The following CHMP7 variants were observed in gnomAD, a reference collection of about 807,000 sequenced individuals.
CHMP7 encodes the protein CHMP family, member 7.
In CHMP7, 15 loss-of-function variants were observed where a neutral mutation model predicts 53.7. That is an observed-to-expected ratio of 0.28 (90% confidence interval 0.19 to 0.43). The LOEUF (loss-of-function observed/expected upper bound fraction) is 0.43, where lower values mean the gene tolerates loss of function less well. CHMP7 is among the 20% of genes least tolerant of loss of function. The probability of loss-of-function intolerance (pLI) is 1.00; values close to 1 mark genes in which losing one functional copy is unlikely to be tolerated. For missense variants in CHMP7, 527 were observed against 569.4 expected (o/e 0.93, Z 0.76); for synonymous variants, 261 against 228.0 (o/e 1.14, Z -1.30).
chr8:23,259,050 C>T lies in CHMP7; in HGVS notation c.1060-16C>T, dbSNP rs369277278. 2.5e-5 allele frequency: 39 copies of T among 1,582,912 alleles called. No individual in the cohort carries two copies. In the Middle Eastern group the frequency reaches 2.5e-3, roughly 101 times the overall value. The stretch of plus-strand genomic sequence containing the variant: ...CCACCATGCCCAGCTCAAGGCTTTG[C>T]ACTTGTCTCTTACAGCTCTGTGACA... On this transcript the variant is annotated splice_polypyrimidine_tract_variant and intron_variant, in intron 8 of 10. Transcript: ENST00000397677.
At chr8:23,245,746 C>T (rs1585300491) in intron 1 of CHMP7, among the ~76,000 whole-genome samples, 1 of 152,162 alleles carries the variant, frequency 6.6e-6, no homozygotes, top group East Asian at 1.9e-4. Context: ...ATGAAACCAT[C>T]TGGGCCTAAT....
chr8:23,251,727 C>T (rs1268019649), intron 3 of CHMP7, among the ~76,000 whole-genome samples: 7 of 152,114 alleles, frequency 4.6e-5, no homozygotes, highest in South Asian at 2.1e-4. Flanking sequence ...TGGATTTACT[C>T]GATTCTTTTT....
In CHMP7 at chr8:23,261,360, G is replaced by T. The variant is rs1802382349; in HGVS notation, c.*761G>T. ...AGAGGCCCAGTCACTACAGGACCCT[G>T]AGATGTCCAGACCCCTTATGCAAAG... On this transcript the variant is annotated 3_prime_UTR_variant, in exon 11 of 11. Coordinates refer to ENST00000397677, the MANE Select transcript of CHMP7 (RefSeq NM_152272.5). The T allele has an allele frequency of 6.6e-6, 1 of 152,392 alleles. No individual in the cohort carries two copies. The highest frequency in any genetic ancestry group is 2.4e-5 in the African/African-American group (1 of 41,432). The allele number at this position is 152,392 out of a possible 1,614,324, so 9.4% of individuals were successfully genotyped here. A position where few individuals can be genotyped will look rare whatever the true frequency, so the allele number is the denominator to read the frequency against.
At chr8:23,257,028 G>A (rs1454534625) in intron 5 of CHMP7, among the ~76,000 whole-genome samples, 7 of 151,314 alleles carry the variant, frequency 4.6e-5, no homozygotes, top group Admixed American at 2.0e-4. Context: ...TCCTGACCTC[G>A]TGATCCGCCC....
At chr8:23,256,702 T>TTTTTAGCTAA in intron 5 of CHMP7, 109 bp downstream of exon 5, 2 of 853,444 alleles carry the variant, frequency 2.3e-6, no homozygotes, top group Non-Finnish European at 3.5e-6. Context: ...TTTTTTTTTT[T>TTTTTAGCTAA]TTAGCTAATT....
chr8:23,261,836 G>C lies in CHMP7; in HGVS notation c.*1237G>C, dbSNP rs1423483152. 6.6e-6 allele frequency: 1 copy of C among 152,644 alleles called. No individual in the cohort carries two copies. Among genetic ancestry groups the C allele is most frequent in the Non-Finnish European group, 1.5e-5 (1 of 68,050 alleles). The allele number at this position is 152,644 out of a possible 1,614,324, so 9.5% of individuals were successfully genotyped here. A position where few individuals can be genotyped will look rare whatever the true frequency, so the allele number is the denominator to read the frequency against. ...TGTCCCTGCTGCCTGAGGTGGCGTA[G>C]AGCAGAGGAGAAGAATTTGCTCCAG... is the stretch of plus-strand genomic sequence containing the variant. On this transcript the variant is annotated 3_prime_UTR_variant, in exon 11 of 11. Transcript: ENST00000397677.
intron 3 of CHMP7, among the ~76,000 whole-genome samples, chr8:23,252,944 A>G (rs1801988681): frequency 6.6e-6 from 1 of 152,164 alleles, no homozygotes; most frequent in Non-Finnish European, 1.5e-5. Context: ...TGAAAACTCG[A>G]TGTCTGTGTC....
chr8:23,254,185 CT>C (rs61432885), intron 3 of CHMP7, among the ~76,000 whole-genome samples: 14 of 134,964 alleles, frequency 1.0e-4, no homozygotes, highest in African/African-American at 2.5e-4. Context: ...TTCTGCTCAA[CT>C]TTTTTTTTTT....
At chr8:23,259,001 C>T in intron 8 of CHMP7, 65 bp from the exon 9 acceptor site, 3 of 1,178,270 alleles carry the variant, frequency 2.5e-6, no homozygotes, top group East Asian at 4.7e-5. Context: ...AGATATTTTC[C>T]ACCAAAGACT....
chr8:23,258,250 T>C (rs944230315), intron 6 of CHMP7, 80 bp from the exon 7 acceptor site: 2 of 1,586,982 alleles, frequency 1.3e-6, no homozygotes, highest in Non-Finnish European at 1.7e-6. Flanking sequence ...TGGGACATCC[T>C]TAGCGTCTGG....
intron 3 of CHMP7, among the ~76,000 whole-genome samples, chr8:23,250,589 C>T (rs1214764522): frequency 2.6e-5 from 4 of 151,142 alleles, no homozygotes; most frequent in Non-Finnish European, 5.9e-5. Flanking sequence ...ACCCCCTCCA[C>T]CCAGACTGCT....
chr8:23,256,418 C>T (rs768780477), intron 4 of CHMP7, 42 bp from the exon 5 acceptor site: 2 of 1,514,980 alleles, frequency 1.3e-6, no homozygotes, highest in Non-Finnish European at 1.8e-6. Flanking sequence ...AATTTCTCAG[C>T]CTTTGTGGTA....
intron 4 of CHMP7, among the ~76,000 whole-genome samples, chr8:23,255,750 G>A (rs1173659131): frequency 6.8e-6 from 1 of 146,886 alleles, no homozygotes; most frequent in African/African-American, 2.5e-5. Flanking sequence ...CAGTGGTTGT[G>A]TTCAAGCCAC....
intron 9 of CHMP7, among the ~76,000 whole-genome samples, chr8:23,259,604 G>T (rs10092938): frequency 3.9e-5 from 6 of 152,214 alleles, no homozygotes; most frequent in South Asian, 2.1e-4. Context: ...GTGATCCGCC[G>T]GCCTCGGCCT....
At chr8:23,257,037 C>A (rs527943155) in intron 5 of CHMP7, among the ~76,000 whole-genome samples, 1 of 151,806 alleles carries the variant, frequency 6.6e-6, no homozygotes, top group East Asian at 1.9e-4. Flanking sequence ...CGTGATCCGC[C>A]CGCCTCTGCC....
chr8:23,251,337 T>C (rs1801922991), intron 3 of CHMP7, among the ~76,000 whole-genome samples: 1 of 152,202 alleles, frequency 6.6e-6, no homozygotes, highest in Admixed American at 6.5e-5. Context: ...GAAATGAAAG[T>C]TTTCTTTCTG....
intron 3 of CHMP7, among the ~76,000 whole-genome samples, chr8:23,249,895 C>T (rs1801851286): frequency 6.6e-6 from 1 of 152,210 alleles, no homozygotes; most frequent in South Asian, 2.1e-4. Context: ...TCAGCCTCCT[C>T]CCGGCCTGCC....
At position 23,258,461 on chromosome 8, in the gene CHMP7, C is replaced by G; in HGVS notation, c.960+12C>G. On this transcript the variant is annotated intron_variant, in intron 7 of 10. Transcript: ENST00000397677. ...AGACAGATCAGATGGTAGTCACTCCCCTCTACTCCAGCACTTGGCTGGTCT... is the reference window on the plus strand; with the variant it reads ...AGACAGATCAGATGGTAGTCACTCCGCTCTACTCCAGCACTTGGCTGGTCT... The G allele has an allele frequency of 6.2e-7, 1 of 1,613,858 alleles. No individual in the cohort carries two copies. Among genetic ancestry groups the G allele is most frequent in the Non-Finnish European group, 8.5e-7 (1 of 1,179,950 alleles).
At chr8:23,256,844 G>C (rs1346613229) in intron 5 of CHMP7, among the ~76,000 whole-genome samples, 1 of 140,984 alleles carries the variant, frequency 7.1e-6, no homozygotes, top group Non-Finnish European at 1.5e-5. Flanking sequence ...CCGGGCTGGA[G>C]TGCAGTGGTG....
Sources: gnomAD v4.1 joint callset for allele counts (sites outside exome capture counted in the v4.1 genomes callset) on GRCh38, gnomAD v4.1.1 for gene constraint, MANE v1.5 for transcripts, NCBI Gene and HGNC (gene_info 2026-07-23, HGNC 2026-07-21) for gene names.